PIP4K2B: variants seen among roughly 807,000 people sequenced by gnomAD.
PIP4K2B encodes the protein phosphatidylinositol-5-phosphate 4-kinase type 2 beta, also known as phosphatidylinositol 5-phosphate 4-kinase type-2 beta.
Under a neutral mutation model 42.0 loss-of-function variants are expected in PIP4K2B, and 3 were observed. That is an observed-to-expected ratio of 0.07 (90% CI 0.03 to 0.18). The LOEUF is 0.18. PIP4K2B is among the 10% of genes least tolerant of loss of function. The pLI, the probability that PIP4K2B is intolerant of heterozygous loss-of-function variation, is 1.00. For synonymous variants in PIP4K2B, 204 were observed against 210.1 expected (o/e 0.97, Z 0.25); for missense variants, 332 against 562.3 (o/e 0.59, Z 4.14).
intron 2 of PIP4K2B, among the ~76,000 whole-genome samples, chr17:38,786,228 C>T (rs1255673624): frequency 6.6e-6 from 1 of 152,180 alleles, no homozygotes; most frequent in Non-Finnish European, 1.5e-5. Flanking sequence ...AAAATCCAGG[C>T]CCCAAAGGGC....
In PIP4K2B at chr17:38,779,541, AG is replaced by A. The variant is rs1162864839; in HGVS notation, c.508-13del. The A allele has an allele frequency of 1.2e-6, 2 of 1,608,484 alleles. No homozygotes were observed. Among genetic ancestry groups the A allele is most frequent in the Admixed American group, 1.7e-5 (1 of 59,954 alleles). ...CACTCCACTATAAACTAGAATGGAAAGGAAGAAGAGAGAGGACTAAGGAACA... is the reference window on the plus strand; with the variant it reads ...CACTCCACTATAAACTAGAATGGAAAGAAGAAGAGAGAGGACTAAGGAACA... On this transcript the variant is annotated splice_polypyrimidine_tract_variant and intron_variant, in intron 4 of 9. Coordinates refer to ENST00000619039, the MANE Select transcript of PIP4K2B (RefSeq NM_003559.5).
chr17:38,786,785 T>G (rs761338401), intron 2 of PIP4K2B, 38 bp downstream of exon 2: 10 of 1,307,660 alleles, frequency 7.6e-6, no homozygotes, highest in Non-Finnish European at 8.9e-6. Flanking sequence ...GGGAAAGGAC[T>G]GCCCACAAAA....
rs1270084344 is a variant in PIP4K2B at position 38,765,809 on chromosome 17, A to T, written c.*3882T>A. 3 of 152,674 alleles carry T rather than the reference A, an allele frequency of 2.0e-5. No individual in the cohort carries two copies. The highest frequency in any genetic ancestry group is 4.8e-5 in the African/African-American group (2 of 41,464). 9.5% of individuals were successfully genotyped at this position (152,674 alleles called of 1,614,324 possible). A position where few individuals can be genotyped will look rare whatever the true frequency, so the allele number is the denominator to read the frequency against. On this transcript the variant is annotated 3_prime_UTR_variant, in exon 10 of 10. Transcript: ENST00000619039. ...TTTAAAGCAGACGTTAGACAAGCAC[A>T]GGGGATTGAAAATTCCCATTTAAAA...
intron 6 of PIP4K2B, 148 bp downstream of exon 6, chr17:38,778,186 G>A (rs2074214194): frequency 1.3e-6 from 1 of 784,946 alleles, no homozygotes; most frequent in African/African-American, 1.7e-5. Flanking sequence ...AGGACAGACA[G>A]GTGATTCATG....
At chr17:38,773,460 G>A (rs1019161475) in intron 7 of PIP4K2B, among the ~76,000 whole-genome samples, 1 of 152,090 alleles carries the variant, frequency 6.6e-6, no homozygotes, top group African/African-American at 2.4e-5. Flanking sequence ...TGAGCAGGGT[G>A]GTGGTTCAAG....
At chr17:38,770,920 G>A in intron 8 of PIP4K2B, 94 bp downstream of exon 8, 1 of 1,382,586 alleles carries the variant, frequency 7.2e-7, no homozygotes, top group Non-Finnish European at 1.0e-6. Flanking sequence ...TGAATGAGGT[G>A]GAGGTCCAGA....
At chr17:38,774,678 G>C (rs1318038006) in intron 7 of PIP4K2B, among the ~76,000 whole-genome samples, 1 of 151,994 alleles carries the variant, frequency 6.6e-6, no homozygotes, top group Admixed American at 6.6e-5. Context: ...GCTGAGGCAG[G>C]AGAATGGCGT....
chr17:38,771,546 C>CAAA (rs58817119), intron 7 of PIP4K2B, among the ~76,000 whole-genome samples: 118 of 39,722 alleles, frequency 3.0e-3, no homozygotes, highest in East Asian at 7.0e-3. Context: ...GAGATGGTCT[C>CAAA]AAAAAAAAAA....
At chr17:38,780,355 C>A in intron 4 of PIP4K2B, 97 bp downstream of exon 4, 1 of 1,042,306 alleles carries the variant, frequency 9.6e-7, no homozygotes, top group Non-Finnish European at 1.4e-6. Flanking sequence ...GCTGCCATTA[C>A]CAGAGAGGAC....
intron 2 of PIP4K2B, among the ~76,000 whole-genome samples, chr17:38,785,712 C>A (rs1349786607): frequency 6.6e-6 from 1 of 152,120 alleles, no homozygotes; most frequent in African/African-American, 2.4e-5. Context: ...AAAACACATA[C>A]ACAGTTGTTG....
chr17:38,772,593 C>CTT (rs149879589), intron 7 of PIP4K2B, among the ~76,000 whole-genome samples: 10 of 151,948 alleles, frequency 6.6e-5, no homozygotes, highest in African/African-American at 2.4e-4. Flanking sequence ...AAAGTGCTTT[C>CTT]TTTTTTTGAG....
chr17:38,789,756 T>C (rs980248822), intron 1 of PIP4K2B, among the ~76,000 whole-genome samples: 1 of 151,934 alleles, frequency 6.6e-6, no homozygotes, highest in Non-Finnish European at 1.5e-5. Flanking sequence ...AAGGAAGCCA[T>C]AGGAATGCAC....
intron 1 of PIP4K2B, 69 bp from the exon 2 acceptor site, chr17:38,786,989 T>C: frequency 2.1e-6 from 2 of 956,242 alleles, no homozygotes; most frequent in East Asian, 2.4e-5. Context: ...TAAGCTACAA[T>C]GTGGATGCCA....
In PIP4K2B at chr17:38,777,722, T is replaced by G; in HGVS notation, c.772A>C (p.Lys258Gln). 2 of 1,614,016 alleles carry G rather than the reference T, an allele frequency of 1.2e-6. No homozygotes were observed. Among genetic ancestry groups the G allele is most frequent in the Non-Finnish European group, 1.7e-6 (2 of 1,179,846 alleles). The change falls in exon 7 of 10, where the codon AAG becomes CAG. Residue 258 changes from lysine to glutamine, a missense_variant. Around this residue, in one of 6 missense-constraint regions of PIP4K2B, gnomAD observed 26 missense variants for 23.7 expected, o/e 1.10. Coordinates refer to ENST00000619039, the MANE Select transcript of PIP4K2B (RefSeq NM_003559.5). ...QKLHVGEESK[K>Q]NFLEKLKRDV... Reference sequence around the variant, plus strand: ...CGCTTCAGTTTCTCCAGGAAGTTCTTTTTACTCTCCTCTCCCACATGCAGC... The same window carrying G: ...CGCTTCAGTTTCTCCAGGAAGTTCTGTTTACTCTCCTCTCCCACATGCAGC...
intron 9 of PIP4K2B, among the ~76,000 whole-genome samples, chr17:38,770,211 C>T (rs1214147507): frequency 6.6e-6 from 1 of 152,190 alleles, no homozygotes; most frequent in Non-Finnish European, 1.5e-5. Flanking sequence ...GGCTGGAGAA[C>T]TGGGGGATAA....
chr17:38,777,663 G>T (rs1909438702), intron 7 of PIP4K2B, 24 bp downstream of exon 7: 1 of 1,461,484 alleles, frequency 6.8e-7, no homozygotes, highest in Non-Finnish European at 9.6e-7. Flanking sequence ...AGCCTTGCAG[G>T]TGAAAATGAA....
chr17:38,791,347 A>G (rs1327614271), intron 1 of PIP4K2B, among the ~76,000 whole-genome samples: 1 of 151,578 alleles, frequency 6.6e-6, no homozygotes, highest in Non-Finnish European at 1.5e-5. Context: ...ACCTCAGGGT[A>G]AAGTTTTAAC....
At position 38,793,099 on chromosome 17, in the gene PIP4K2B, T is replaced by G. The variant is rs113818139; in HGVS notation, c.159+6167A>C. ...GCATGCCACCACACCCGGCAAATTTTTGTATTTTTAGTAGAGACAGGGTTT... is the reference window on the plus strand; with the variant it reads ...GCATGCCACCACACCCGGCAAATTTGTGTATTTTTAGTAGAGACAGGGTTT... On this transcript the variant is annotated intron_variant, in intron 1 of 9. Coordinates refer to ENST00000619039, the MANE Select transcript of PIP4K2B (RefSeq NM_003559.5). Among the ~76,000 whole-genome samples the G allele has an allele frequency of 5.3e-5, 8 of 151,932 alleles. 1 individual carries two copies. The highest frequency in any genetic ancestry group is 1.9e-4 in the African/African-American group (8 of 41,414).
intron 8 of PIP4K2B, 60 bp from the exon 9 acceptor site, chr17:38,770,599 G>C (rs1472259895): frequency 1.1e-6 from 1 of 894,302 alleles, no homozygotes; most frequent in Non-Finnish European, 1.9e-6. Context: ...GCAGACAGCA[G>C]CTGGGCACTG....
Sources: allele counts gnomAD v4.1 joint callset (sites outside exome capture counted in the v4.1 genomes callset), GRCh38; gene constraint gnomAD v4.1.1; regional missense constraint gnomAD v4.1.1; transcripts MANE v1.5; gene names NCBI Gene and HGNC (gene_info 2026-07-23, HGNC 2026-07-21).